KIAA0319: variants seen among roughly 807,000 people sequenced by gnomAD.
KIAA0319 encodes KIAA0319, also known as dyslexia-associated protein KIAA0319.
A neutral mutation model predicts 108.4 loss-of-function variants in KIAA0319; 83 were observed. That is an observed-to-expected ratio of 0.77 (90% CI 0.64 to 0.92). The LOEUF is 0.92. Ranked by LOEUF, KIAA0319 falls within the 40% of genes least tolerant of loss-of-function variation. The pLI is 0.00. For missense variants in KIAA0319, 1,195 were observed against 1,322.4 expected (o/e 0.90, Z 1.49); for synonymous variants, 484 against 510.4 (o/e 0.95, Z 0.70).
At chr6:24,620,463 G>A (rs1316007206) in intron 1 of KIAA0319, among the ~76,000 whole-genome samples, 1 of 152,098 alleles carries the variant, frequency 6.6e-6, no homozygotes, top group East Asian at 1.9e-4. Flanking sequence ...ACCACGTCCG[G>A]CTAATTTTTA....
chr6:24,608,594 T>C (rs1238049561), intron 1 of KIAA0319, among the ~76,000 whole-genome samples: 1 of 152,054 alleles, frequency 6.6e-6, no homozygotes, highest in Non-Finnish European at 1.5e-5. Flanking sequence ...AGATATTCAA[T>C]AAATGGATCC....
At chr6:24,604,498 T>C (rs556541379) in intron 1 of KIAA0319, among the ~76,000 whole-genome samples, 1 of 152,324 alleles carries the variant, frequency 6.6e-6, no homozygotes, top group Admixed American at 6.5e-5. Context: ...TAAGAGAAGA[T>C]ACTGCTCTGA....
At chr6:24,618,199 C>T (rs1303692228) in intron 1 of KIAA0319, among the ~76,000 whole-genome samples, 2 of 152,100 alleles carry the variant, frequency 1.3e-5, no homozygotes, top group Non-Finnish European at 2.9e-5. Flanking sequence ...GAGAAATTAA[C>T]TTAAAGTTGT....
At chr6:24,551,789 G>A (rs1021653985) in intron 19 of KIAA0319, among the ~76,000 whole-genome samples, 3 of 152,240 alleles carry the variant, frequency 2.0e-5, no homozygotes, top group East Asian at 1.9e-4. Flanking sequence ...AGGCTGCAGT[G>A]CCAATTCTCA....
rs1554164821 is a variant in KIAA0319, at chr6:24,595,558, A to AAC, written c.801+314_801+315insGT. On this transcript the variant is annotated intron_variant, in intron 3 of 20. Coordinates refer to ENST00000378214, the MANE Select transcript of KIAA0319 (RefSeq NM_014809.4). ...CGAGATTCAATCTCAAAAAAAAAAA[A>AAC]AAAAAAAAAAAACGCTACAGGCATT... 2.8e-4 allele frequency among the ~76,000 whole-genome samples: 42 copies of AAC among 148,288 alleles called. No homozygotes were observed. In the East Asian group the frequency reaches 4.5e-3, roughly 16 times the overall value.
At chr6:24,587,264 T>C (rs1193041383) in intron 4 of KIAA0319, among the ~76,000 whole-genome samples, 1 of 151,146 alleles carries the variant, frequency 6.6e-6, no homozygotes, top group East Asian at 2.0e-4. Flanking sequence ...AACTCCACAC[T>C]ATTTTCTTTT....
rs1413214987 is a variant in KIAA0319 at position 24,563,387 on chromosome 6, G to A, written c.2563C>T (p.Gln855Ter). The change falls in exon 16 of 21, where the codon CAG becomes TAG. Residue 855 changes from glutamine (Q) to a stop codon, truncating the protein, a stop_gained. Coordinates refer to ENST00000378214, the MANE Select transcript of KIAA0319 (RefSeq NM_014809.4). LOFTEE classifies it high-confidence loss of function. ...LNVLDSDIKV[Q>*]KIRAHSDLST... ...AGATCCGAGTGGGCCCGAATCTTCT[G>A]GACCTTAATGTCCGAGTCCAGCACG... is the stretch of plus-strand genomic sequence containing the variant. 1.9e-6 allele frequency: 3 copies of A among 1,613,566 alleles called. No individual in the cohort carries two copies. The highest frequency in any genetic ancestry group is 2.5e-6 in the Non-Finnish European group (3 of 1,179,776).
At chr6:24,616,649 G>A (rs72839213) in intron 1 of KIAA0319, among the ~76,000 whole-genome samples, 5,987 of 152,290 alleles carry the variant, frequency 0.039, 172 homozygotes, top group Non-Finnish European at 0.064. Context: ...ACCGTGCTCG[G>A]CCTGGTTATT....
In KIAA0319 at chr6:24,546,982, T is replaced by G; in HGVS notation, c.*183A>C. 1.7e-6 allele frequency: 1 copy of G among 588,760 alleles called. No homozygotes were observed. The highest frequency in any genetic ancestry group is 2.9e-5 in the East Asian group (1 of 35,002). 36.5% of individuals were successfully genotyped at this position (588,760 alleles called of 1,614,324 possible). A position where few individuals can be genotyped will look rare whatever the true frequency, so the allele number is the denominator to read the frequency against. ...TATTTCTATTAACAAGCATCTCAGTTAAAAGAGCAAAGTTTTTGTTTTGTG... is the reference window on the plus strand; with the variant it reads ...TATTTCTATTAACAAGCATCTCAGTGAAAAGAGCAAAGTTTTTGTTTTGTG... On this transcript the variant is annotated 3_prime_UTR_variant, in exon 21 of 21. Transcript: ENST00000378214.
intron 1 of KIAA0319, among the ~76,000 whole-genome samples, chr6:24,628,001 A>G (rs1774950042): frequency 6.6e-6 from 1 of 152,234 alleles, no homozygotes; most frequent in East Asian, 1.9e-4. Context: ...TGAACTGAGT[A>G]ATTGTGCTAA....
intron 1 of KIAA0319, among the ~76,000 whole-genome samples, chr6:24,604,701 T>A (rs1401941184): frequency 6.6e-6 from 1 of 152,212 alleles, no homozygotes; most frequent in African/African-American, 2.4e-5. Context: ...ATACCATATT[T>A]AAGGTTCTTT....
chr6:24,575,442 G>C (rs777129341), intron 10 of KIAA0319, among the ~76,000 whole-genome samples: 1 of 152,100 alleles, frequency 6.6e-6, no homozygotes, highest in Non-Finnish European at 1.5e-5. Flanking sequence ...CTCTGAATCA[G>C]AATTCTTAAC....
At chr6:24,540,234 G>A (rs2127393148), downstream of KIAA0319, among the ~76,000 whole-genome samples, 1 of 150,468 alleles carries the variant, frequency 6.6e-6, no homozygotes, top group East Asian at 1.9e-4. Flanking sequence ...ATTATATACT[G>A]TACATAATTG....
intron 3 of KIAA0319, among the ~76,000 whole-genome samples, chr6:24,592,584 T>C (rs1768668894): frequency 2.0e-5 from 3 of 152,224 alleles, no homozygotes; most frequent in Admixed American, 2.0e-4. Context: ...TGACTTCTTA[T>C]TATGCTATGC....
Position 24,596,581 on chromosome 6 carries a change from A to G in KIAA0319, c.93T>C (p.Tyr31=). The stretch of plus-strand genomic sequence containing the variant: ...AGTTAGGTGAAATGACTGCATTGGA[A>G]TATGTCCTCCCCTCGCTGCACTGCT... ...ARKQCSEGRT[Y]SNAVISPNLE... Residue 31 remains tyrosine (Y), a synonymous_variant, in exon 3 of 21, where the codon TAT becomes TAC. Coordinates refer to ENST00000378214, the MANE Select transcript of KIAA0319 (RefSeq NM_014809.4). 6.2e-7 allele frequency: 1 copy of G among 1,613,126 alleles called. No individual in the cohort carries two copies. The highest frequency in any genetic ancestry group is 1.3e-5 in the African/African-American group (1 of 74,968).
At chr6:24,597,068 CAG>C (rs1769760998) in intron 2 of KIAA0319, among the ~76,000 whole-genome samples, 2 of 152,156 alleles carry the variant, frequency 1.3e-5, no homozygotes, top group African/African-American at 4.8e-5. Flanking sequence ...CTCATCCATC[CAG>C]AGATTCTTAC....
At chr6:24,628,846 A>G (rs1449377214) in intron 1 of KIAA0319, among the ~76,000 whole-genome samples, 1 of 152,064 alleles carries the variant, frequency 6.6e-6, no homozygotes, top group African/African-American at 2.4e-5. Flanking sequence ...CTCTGGGTCA[A>G]AATTTTCCTC....
chr6:24,566,479 C>G (rs1452265644), intron 14 of KIAA0319, 118 bp downstream of exon 14: 1 of 858,180 alleles, frequency 1.2e-6, no homozygotes, highest in African/African-American at 1.7e-5. Flanking sequence ...GTTGTTTAAG[C>G]CTCCTTATAC....
intron 4 of KIAA0319, among the ~76,000 whole-genome samples, chr6:24,586,244 T>C (rs1407137900): frequency 6.6e-6 from 1 of 152,224 alleles, no homozygotes; most frequent in Non-Finnish European, 1.5e-5. Context: ...TCACAGACTG[T>C]AGGAAACTAG....
Sources: allele counts gnomAD v4.1 joint callset (sites outside exome capture counted in the v4.1 genomes callset), GRCh38; gene constraint gnomAD v4.1.1; transcripts MANE v1.5; gene names NCBI Gene and HGNC (gene_info 2026-07-23, HGNC 2026-07-21).